Variants in AFF3 observed in about 807,000 individuals in gnomAD.
AFF3 encodes the protein AF4/FMR2 family member 3.
In AFF3, 32 loss-of-function variants were observed where a neutral mutation model predicts 129.7. The observed-to-expected ratio is 0.25, with a 90% CI of 0.19 to 0.33. The LOEUF is 0.33. Ranked by LOEUF, AFF3 falls within the 10% of genes least tolerant of loss-of-function variation. The probability of loss-of-function intolerance (pLI) is 1.00; values close to 1 mark genes in which losing one functional copy is unlikely to be tolerated. For missense variants in AFF3, 1,373 were observed against 1,592.0 expected (o/e 0.86, Z 2.34); for synonymous variants, 644 against 635.4 (o/e 1.01, Z -0.20).
intron 7 of AFF3, among the ~76,000 whole-genome samples, chr2:99,922,220 AG>A (rs1330192943): frequency 6.6e-6 from 1 of 152,190 alleles, no homozygotes; most frequent in African/African-American, 2.4e-5. Context: ...TTTCACTCCT[AG>A]GGGTTTATAC....
At chr2:99,555,984 G>GT (rs1389156953) in intron 22 of AFF3, among the ~76,000 whole-genome samples, 1 of 152,204 alleles carries the variant, frequency 6.6e-6, no homozygotes, top group Non-Finnish European at 1.5e-5. Flanking sequence ...TTGACACAAT[G>GT]TTACTGACAC....
At chr2:99,642,821 G>A (rs774541598) in intron 13 of AFF3, among the ~76,000 whole-genome samples, 15 of 152,088 alleles carry the variant, frequency 9.9e-5, no homozygotes, top group South Asian at 2.1e-4. Context: ...TCACCTGTTC[G>A]CGGCTCAGTT....
intron 8 of AFF3, among the ~76,000 whole-genome samples, chr2:99,832,029 T>C (rs1055598476): frequency 2.9e-4 from 44 of 152,252 alleles, no homozygotes; most frequent in Non-Finnish European, 2.4e-4. Flanking sequence ...TTTGACGTAC[T>C]TGCGTCAGTC....
At chr2:99,552,304 C>T (rs776485699) in intron 24 of AFF3, among the ~76,000 whole-genome samples, 17 of 152,126 alleles carry the variant, frequency 1.1e-4, no homozygotes, top group Non-Finnish European at 1.6e-4. Context: ...GTGGGAGAAT[C>T]GCTTGAACCC....
intron 11 of AFF3, among the ~76,000 whole-genome samples, chr2:99,701,706 T>C (rs1171119919): frequency 6.6e-6 from 1 of 152,230 alleles, no homozygotes; most frequent in Non-Finnish European, 1.5e-5. Context: ...TGTGTGCACG[T>C]AGCTATATGT....
chr2:99,987,674 C>G (rs1679988927), intron 7 of AFF3, among the ~76,000 whole-genome samples: 1 of 152,206 alleles, frequency 6.6e-6, no homozygotes, highest in African/African-American at 2.4e-5. Flanking sequence ...TTCATTCTTA[C>G]AGTGTGTACA....
chr2:99,563,351 C>T (rs916393057), intron 20 of AFF3, among the ~76,000 whole-genome samples: 18 of 151,560 alleles, frequency 1.2e-4, no homozygotes, highest in East Asian at 4.0e-4. Context: ...CCACCACGCC[C>T]GGCTAATTTT....
In AFF3 at chr2:99,589,423, G is replaced by C. The variant is rs1174616259; in HGVS notation, c.2467-2145C>G. On this transcript the variant is annotated intron_variant, in intron 15 of 24. Transcript: ENST00000672756. ...TTTTTTTTTTTTTTTTTTTTTTTGA[G>C]ACAGAGTCTCACTCTATTGCCAGGC... Among the ~76,000 whole-genome samples the C allele has an allele frequency of 5.2e-4, 34 of 65,848 alleles. No homozygotes were observed. In the Admixed American group the frequency reaches 6.2e-3, roughly 12 times the overall value. 43.2% of individuals were successfully genotyped at this position (65,848 alleles called of 152,430 possible).
chr2:99,771,903 A>G (rs1039039670), intron 8 of AFF3, among the ~76,000 whole-genome samples: 4 of 152,182 alleles, frequency 2.6e-5, no homozygotes, highest in African/African-American at 9.6e-5. Flanking sequence ...CAGTCTGCAA[A>G]ACAGCGATAA....
At chr2:99,730,134 C>A (rs1175570384) in intron 10 of AFF3, among the ~76,000 whole-genome samples, 2 of 152,130 alleles carry the variant, frequency 1.3e-5, no homozygotes, top group African/African-American at 4.8e-5. Flanking sequence ...CAGTATGTGT[C>A]TTCTGTTCTG....
chr2:99,558,492 C>T (rs182392176), intron 22 of AFF3, among the ~76,000 whole-genome samples: 19 of 152,112 alleles, frequency 1.2e-4, no homozygotes, highest in Non-Finnish European at 2.4e-4. Context: ...TGGTGGTGTG[C>T]GCCTGTAATC....
chr2:100,027,904 T>C (rs1684176264), intron 4 of AFF3, among the ~76,000 whole-genome samples: 1 of 152,218 alleles, frequency 6.6e-6, no homozygotes, highest in Admixed American at 6.5e-5. Context: ...TTAAAGGTTG[T>C]TAACTAATAG....
At chr2:100,004,911 C>T (rs1363349370) in intron 7 of AFF3, among the ~76,000 whole-genome samples, 1 of 151,960 alleles carries the variant, frequency 6.6e-6, no homozygotes. Flanking sequence ...ACAAACACCT[C>T]TTATCTCTTC....
intron 13 of AFF3, among the ~76,000 whole-genome samples, chr2:99,614,130 T>C (rs1681193391): frequency 6.6e-6 from 1 of 151,972 alleles, no homozygotes; most frequent in South Asian, 2.1e-4. Context: ...AGGAGTGGGA[T>C]GGGAGTAGAG....
At chr2:99,719,883 A>T (rs1478897935) in intron 11 of AFF3, among the ~76,000 whole-genome samples, 1 of 152,118 alleles carries the variant, frequency 6.6e-6, no homozygotes, top group African/African-American at 2.4e-5. Context: ...TAAAAATACA[A>T]AAAATTAGCC....
intron 7 of AFF3, among the ~76,000 whole-genome samples, chr2:99,973,233 G>A (rs113026229): frequency 1.3e-5 from 2 of 152,014 alleles, no homozygotes; most frequent in East Asian, 1.9e-4. Flanking sequence ...CTCTAACTCT[G>A]GTCTACGCCT....
chr2:99,818,506 T>C (rs890830349), intron 8 of AFF3, among the ~76,000 whole-genome samples: 1 of 152,202 alleles, frequency 6.6e-6, no homozygotes, highest in Non-Finnish European at 1.5e-5. Context: ...TCTGGAGATT[T>C]TCTGAGCCTA....
intron 12 of AFF3, among the ~76,000 whole-genome samples, chr2:99,667,084 C>T (rs957246575): frequency 2.6e-5 from 4 of 152,122 alleles, no homozygotes; most frequent in Non-Finnish European, 5.9e-5. Flanking sequence ...CAGCAGAATA[C>T]ACATTCTTTT....
chr2:99,694,446 G>A (rs1675985688), intron 11 of AFF3, among the ~76,000 whole-genome samples: 1 of 152,096 alleles, frequency 6.6e-6, no homozygotes, highest in Non-Finnish European at 1.5e-5. Context: ...GGTGCTGGGT[G>A]TGTGCTGAGG....
Sources: allele counts gnomAD v4.1 joint callset (sites outside exome capture counted in the v4.1 genomes callset), GRCh38; gene constraint gnomAD v4.1.1; transcripts MANE v1.5; gene names NCBI Gene and HGNC (gene_info 2026-07-23, HGNC 2026-07-21).